Variants in TSPAN18 observed in about 807,000 individuals in gnomAD.
The protein encoded by TSPAN18 is tetraspanin-18.
TSPAN18 carries 14 observed loss-of-function variants against 27.3 expected under a neutral mutation model. The observed-to-expected ratio is 0.51, with a 90% CI of 0.34 to 0.80. TSPAN18 has a LOEUF of 0.80. TSPAN18 is among the 30% of genes least tolerant of loss of function. The probability of loss-of-function intolerance (pLI) is 0.01; values close to 1 mark genes in which losing one functional copy is unlikely to be tolerated. For missense variants in TSPAN18, 268 were observed against 323.9 expected (o/e 0.83, Z 1.32); for synonymous variants, 143 against 136.5 (o/e 1.05, Z -0.33).
At chr11:44,916,197 C>T (rs989447539) in intron 5 of TSPAN18, among the ~76,000 whole-genome samples, 1 of 152,220 alleles carries the variant, frequency 6.6e-6, no homozygotes, top group Non-Finnish European at 1.5e-5. Flanking sequence ...AAGGTGGACC[C>T]TGGCCCACAC....
chr11:44,730,243 A>G (rs1315049020), intron 1 of TSPAN18, among the ~76,000 whole-genome samples: 1 of 152,174 alleles, frequency 6.6e-6, no homozygotes, highest in African/African-American at 2.4e-5. Context: ...GAATGTCTGT[A>G]ACCAGTCCCT....
At chr11:44,884,269 C>T (rs773602614) in intron 3 of TSPAN18, among the ~76,000 whole-genome samples, 10 of 152,306 alleles carry the variant, frequency 6.6e-5, no homozygotes, top group East Asian at 1.9e-4. Flanking sequence ...GCCCCAGAGA[C>T]GGGGCCAAGG....
chr11:44,808,001 C>A (rs531245163), intron 2 of TSPAN18, among the ~76,000 whole-genome samples: 172 of 152,160 alleles, frequency 1.1e-3, no homozygotes, highest in African/African-American at 4.0e-3. Context: ...AATGTGGGAC[C>A]CTGGGGTGCG....
intron 1 of TSPAN18, among the ~76,000 whole-genome samples, chr11:44,761,088 C>T (rs554538137): frequency 5.3e-5 from 8 of 152,268 alleles, no homozygotes; most frequent in African/African-American, 1.2e-4. Context: ...GTAGATAGGT[C>T]GCTTGCTCTG....
intron 3 of TSPAN18, among the ~76,000 whole-genome samples, chr11:44,899,509 C>T (rs1438138813): frequency 1.3e-5 from 2 of 152,240 alleles, no homozygotes; most frequent in Non-Finnish European, 2.9e-5. Flanking sequence ...CCAGAGTCCT[C>T]CCCTCTCCTG....
In TSPAN18 at chr11:44,922,049, T is replaced by A. The variant is rs7124245; in HGVS notation, c.615+2050T>A. 2.6e-5 allele frequency among the ~76,000 whole-genome samples: 4 copies of A among 151,786 alleles called. No homozygotes were observed. The East Asian group carries it at 5.8e-4, about 22-fold the overall frequency. On this transcript the variant is annotated intron_variant, in intron 8 of 9. Coordinates refer to ENST00000520358, the MANE Select transcript of TSPAN18 (RefSeq NM_130783.5). Reference sequence around the variant, plus strand: ...CCTAGGCATTTCGTCCCGTTAAAAATCTGCTGCTGTGGAACTGTCTCTATT... The same window carrying A: ...CCTAGGCATTTCGTCCCGTTAAAAAACTGCTGCTGTGGAACTGTCTCTATT...
At chr11:44,800,007 T>TC (rs1491223888) in intron 2 of TSPAN18, among the ~76,000 whole-genome samples, 2 of 12,096 alleles carry the variant, frequency 1.7e-4, no homozygotes, top group African/African-American at 2.7e-4. Flanking sequence ...ATTTTTTGTG[T>TC]TTTTTTTTTT....
At chr11:44,802,471 A>C (rs1856502827) in intron 2 of TSPAN18, among the ~76,000 whole-genome samples, 1 of 152,210 alleles carries the variant, frequency 6.6e-6, no homozygotes, top group African/African-American at 2.4e-5. Context: ...CATTTTAAAT[A>C]AATCCCTCTG....
intron 2 of TSPAN18, among the ~76,000 whole-genome samples, chr11:44,772,554 G>A (rs1214623535): frequency 1.3e-5 from 2 of 152,166 alleles, no homozygotes; most frequent in Non-Finnish European, 2.9e-5. Context: ...ATAAAATGGA[G>A]TAGTATTTGC....
chr11:44,851,629 G>T (rs1222644326), intron 2 of TSPAN18, among the ~76,000 whole-genome samples: 8 of 112,570 alleles, frequency 7.1e-5, no homozygotes, highest in Non-Finnish European at 1.6e-4. Context: ...CCCCCCAACG[G>T]CTGGGTCCCT....
chr11:44,883,579 G>T (rs1299321145), intron 3 of TSPAN18, among the ~76,000 whole-genome samples: 1 of 152,220 alleles, frequency 6.6e-6, no homozygotes, highest in African/African-American at 2.4e-5. Flanking sequence ...AGGCCACTCT[G>T]GGTCCCTCAG....
In TSPAN18 at chr11:44,837,372, T is replaced by C. The variant is rs188364405; in HGVS notation, c.-152-22956T>C. Among the ~76,000 whole-genome samples, 22 of 152,312 alleles carry C rather than the reference T, an allele frequency of 1.4e-4. No individual in the cohort carries two copies. The East Asian group carries it at 4.2e-3, about 29-fold the overall frequency. ...AATGGAGGCTGAGGCTGTGACTGAATTGCCGCAATCTCATGATAAAGCCTT... is the reference window on the plus strand; with the variant it reads ...AATGGAGGCTGAGGCTGTGACTGAACTGCCGCAATCTCATGATAAAGCCTT... On this transcript the variant is annotated intron_variant, in intron 2 of 9. Transcript: ENST00000520358.
intron 2 of TSPAN18, among the ~76,000 whole-genome samples, chr11:44,825,748 T>C (rs1857026460): frequency 6.6e-6 from 1 of 152,160 alleles, no homozygotes; most frequent in African/African-American, 2.4e-5. Flanking sequence ...CCAGGGCCTG[T>C]TTTCTTAGAC....
chr11:44,801,767 C>A (rs1412257354), intron 2 of TSPAN18, among the ~76,000 whole-genome samples: 1 of 152,168 alleles, frequency 6.6e-6, no homozygotes, highest in Admixed American at 6.5e-5. Context: ...TTTAGTGGCT[C>A]ACACCTGTAA....
chr11:44,832,467 C>T (rs1245338607), intron 2 of TSPAN18, among the ~76,000 whole-genome samples: 3 of 152,200 alleles, frequency 2.0e-5, no homozygotes, highest in East Asian at 3.8e-4. Flanking sequence ...TTTCTGTTTC[C>T]AATTCTCTAC....
At chr11:44,780,043 T>A (rs927787505) in intron 2 of TSPAN18, among the ~76,000 whole-genome samples, 7 of 152,148 alleles carry the variant, frequency 4.6e-5, no homozygotes, top group Admixed American at 1.3e-4. Flanking sequence ...CTGTACACAT[T>A]TACACATGCA....
At chr11:44,804,113 TC>T (rs905625763) in intron 2 of TSPAN18, among the ~76,000 whole-genome samples, 3 of 149,172 alleles carry the variant, frequency 2.0e-5, no homozygotes, top group East Asian at 2.0e-4. Context: ...CTTTTTTTTT[TC>T]CCCCCAGAGA....
chr11:44,740,816 C>T (rs1411623825), intron 1 of TSPAN18, among the ~76,000 whole-genome samples: 3 of 152,156 alleles, frequency 2.0e-5, no homozygotes. Context: ...GATGGAGTCT[C>T]TCTCTGTCAC....
At chr11:44,830,513 G>C (rs1168023315) in intron 2 of TSPAN18, among the ~76,000 whole-genome samples, 1 of 152,134 alleles carries the variant, frequency 6.6e-6, no homozygotes, top group Non-Finnish European at 1.5e-5. Flanking sequence ...AATATTTATT[G>C]AGCATTGGTT....
Sources: gnomAD v4.1 joint callset for allele counts (sites outside exome capture counted in the v4.1 genomes callset) on GRCh38, gnomAD v4.1.1 for gene constraint, MANE v1.5 for transcripts, NCBI Gene and HGNC (gene_info 2026-07-23, HGNC 2026-07-21) for gene names.